The following PSMG2 variants were observed in gnomAD, a reference collection of about 807,000 sequenced individuals.
PSMG2 encodes proteasome assembly chaperone 2.
A neutral mutation model predicts 31.5 loss-of-function variants in PSMG2; 21 were observed. The observed-to-expected ratio is 0.67, with a 90% CI of 0.47 to 0.96. The LOEUF (loss-of-function observed/expected upper bound fraction) is 0.96. Among genes scored for constraint, PSMG2 ranks in the 40% least tolerant of loss-of-function variants. PSMG2 has a pLI of 0.00. For synonymous variants in PSMG2, 120 were observed against 110.4 expected (o/e 1.09, Z -0.54); for missense variants, 318 against 321.2 (o/e 0.99, Z 0.08).
intron 1 of PSMG2, among the ~76,000 whole-genome samples, chr18:12,666,436 G>GT (rs557490556): frequency 0.18 from 22,584 of 126,414 alleles, 2,765 homozygotes; most frequent in Non-Finnish European, 0.24. Context: ...AAATTTTATG[G>GT]TTTTTTTTTT....
rs145898933 is a variant in PSMG2, at chr18:12,676,786, A to C, written c.-37+18013A>C. 6.5e-3 allele frequency among the ~76,000 whole-genome samples: 983 copies of C among 152,278 alleles called. 9 individuals are homozygous for C. The highest frequency in any genetic ancestry group is 0.025 in the South Asian group (119 of 4,826). ...AAATGTATGTTTAAATGCTTTGATA[A>C]GTTGACAAGTGAATAAGAAATATTT... On this transcript the variant is annotated intron_variant, in intron 1 of 6. Transcript: ENST00000585331.
At chr18:12,691,287 TAAATGAAATTTACACACATA>T in intron 1 of PSMG2, 6 of 942,528 alleles carry the variant, frequency 6.4e-6, no homozygotes, top group Non-Finnish European at 9.3e-6. Flanking sequence ...AAATAAATAT[TAAATGAAATTTACACACATA>T]ACAGTAAATC....
Position 12,718,584 on chromosome 18 carries a change from T to G in PSMG2, c.356T>G (p.Ile119Ser). ...AAAAGCAGTGGCTGTGCCAGAGTCA[T>G]TGTTCTTTCAAGCAGTCATTCATAT... ...WVKSSGCARV[I>S]VLSSSHSYQR... The change falls in exon 4 of 7, where the codon ATT (isoleucine) becomes AGT (serine). Residue 119 changes from isoleucine to serine, a missense_variant. Transcript: ENST00000317615. 6.2e-7 allele frequency: 1 copy of G among 1,612,736 alleles called. No homozygotes were observed. The highest frequency in any genetic ancestry group is 1.1e-5 in the South Asian group (1 of 90,892).
At chr18:12,712,403 A>G (rs757674430) in intron 2 of PSMG2, among the ~76,000 whole-genome samples, 2 of 152,164 alleles carry the variant, frequency 1.3e-5, no homozygotes, top group Non-Finnish European at 2.9e-5. Context: ...AATACCAGAA[A>G]TTTTCAGGGG....
intron 2 of PSMG2, among the ~76,000 whole-genome samples, chr18:12,708,527 G>A (rs1312605373): frequency 6.8e-6 from 1 of 146,692 alleles, no homozygotes; most frequent in Non-Finnish European, 1.5e-5. Flanking sequence ...ACCACACCCA[G>A]CTAGTTTTGT....
Position 12,724,959 on chromosome 18 carries a change from A to G in PSMG2, c.702+340A>G, listed in dbSNP as rs116307558. 4.9e-3 allele frequency: 1,654 copies of G among 338,910 alleles called. 34 individuals carry two copies. The highest frequency in any genetic ancestry group is 0.031 in the African/African-American group (1,468 of 47,458). 21.0% of individuals were successfully genotyped at this position (338,910 alleles called of 1,614,324 possible). A position where few individuals can be genotyped will look rare whatever the true frequency, so the allele number is the denominator to read the frequency against. ...GAATTTTTTTAGGGAAGTAAAAAGT[A>G]TTGCTATGTGAGCAATACTGTAGCT... On this transcript the variant is annotated intron_variant, in intron 6 of 6. Coordinates refer to ENST00000317615, the MANE Select transcript of PSMG2 (RefSeq NM_020232.5).
chr18:12,699,826 A>C, upstream of PSMG2: 1 of 1,505,348 alleles, frequency 6.6e-7, no homozygotes, highest in Non-Finnish European at 9.1e-7. Context: ...TAAAATATAC[A>C]TACTTTTTTT....
chr18:12,686,076 T>C, intron 1 of PSMG2: 1 of 484,916 alleles, frequency 2.1e-6, no homozygotes, highest in South Asian at 3.2e-5. Context: ...TATTTTTTAT[T>C]ATTGTAATTT....
At chr18:12,724,301 C>A in intron 5 of PSMG2, 198 bp from the exon 6 acceptor site, 2 of 488,180 alleles carry the variant, frequency 4.1e-6, no homozygotes, top group Non-Finnish European at 3.5e-6. Context: ...TGCGTGTTCC[C>A]CAGTGGGTGT....
intron 1 of PSMG2, among the ~76,000 whole-genome samples, chr18:12,669,830 GTC>G (rs757392484): frequency 1.3e-5 from 2 of 151,648 alleles, no homozygotes; most frequent in Middle Eastern, 6.8e-3. Flanking sequence ...CAGAAACCCT[GTC>G]TCTACTTAAA....
intron 1 of PSMG2, among the ~76,000 whole-genome samples, chr18:12,683,116 C>T (rs111543105): frequency 2.7e-5 from 4 of 146,882 alleles, no homozygotes; most frequent in African/African-American, 1.0e-4. Context: ...GAGGCTGAAG[C>T]GGGCAGATCA....
intron 1 of PSMG2, among the ~76,000 whole-genome samples, chr18:12,666,442 T>TC (rs1224027144): frequency 2.0e-5 from 3 of 149,026 alleles, no homozygotes; most frequent in Non-Finnish European, 3.0e-5. Context: ...TATGGTTTTT[T>TC]TTTTTTTTTT....
intron 1 of PSMG2, chr18:12,663,574 C>CA (rs2038742255): frequency 6.6e-6 from 1 of 152,012 alleles, no homozygotes; most frequent in Non-Finnish European, 1.5e-5. Flanking sequence ...CAACCAGGCA[C>CA]AAAAATATCT....
chr18:12,707,549 T>G (rs2040282750), intron 2 of PSMG2, among the ~76,000 whole-genome samples: 1 of 152,212 alleles, frequency 6.6e-6, no homozygotes, highest in African/African-American at 2.4e-5. Context: ...AGGTGTAGGC[T>G]TTTCCCATAC....
intron 1 of PSMG2, among the ~76,000 whole-genome samples, chr18:12,682,327 C>T (rs2039380857): frequency 6.6e-6 from 1 of 152,034 alleles, no homozygotes; most frequent in Admixed American, 6.6e-5. Flanking sequence ...ATAGCTGGGA[C>T]CACAGGCACT....
At chr18:12,693,669 G>C (rs1362828830) in intron 1 of PSMG2, among the ~76,000 whole-genome samples, 1 of 152,034 alleles carries the variant, frequency 6.6e-6, no homozygotes, top group African/African-American at 2.4e-5. Flanking sequence ...TGTAGTCCCA[G>C]CTACTCAGGA....
intron 3 of PSMG2, among the ~76,000 whole-genome samples, chr18:12,714,869 T>G (rs1203907003): frequency 6.6e-6 from 1 of 151,056 alleles, no homozygotes; most frequent in Non-Finnish European, 1.5e-5. Context: ...TGTGCCCGGC[T>G]AAGTTTTGTA....
chr18:12,712,217 G>A (rs1384154652), intron 2 of PSMG2, among the ~76,000 whole-genome samples: 1 of 152,088 alleles, frequency 6.6e-6, no homozygotes, highest in Admixed American at 6.6e-5. Context: ...CCTTTAAAAA[G>A]TTCTAAGGAA....
intron 1 of PSMG2, among the ~76,000 whole-genome samples, chr18:12,660,345 C>CA (rs1261010274): frequency 6.9e-6 from 1 of 144,868 alleles, no homozygotes; most frequent in African/African-American, 2.6e-5. Context: ...TTAATTGAGA[C>CA]AGAGTCTCAC....
Sources: gnomAD v4.1 joint callset for allele counts (sites outside exome capture counted in the v4.1 genomes callset) on GRCh38, gnomAD v4.1.1 for gene constraint, MANE v1.5 for transcripts, NCBI Gene and HGNC (gene_info 2026-07-23, HGNC 2026-07-21) for gene names.